Variants in EPB41L3 observed in about 807,000 individuals in gnomAD.
EPB41L3 encodes band 4.1-like protein 3.
Under a neutral mutation model 127.1 loss-of-function variants are expected in EPB41L3, and 57 were observed. The observed-to-expected ratio is 0.45, with a 90% confidence interval of 0.36 to 0.56. EPB41L3 has a LOEUF of 0.56. EPB41L3 is among the 20% of genes least tolerant of loss of function. The pLI, the probability that EPB41L3 is intolerant of heterozygous loss-of-function variation, is 0.00. For synonymous variants in EPB41L3, 572 were observed against 549.5 expected (o/e 1.04, Z -0.57); for missense variants, 1,273 against 1,372.2 (o/e 0.93, Z 1.14).
rs746251961 is a variant in EPB41L3 at position 5,415,866 on chromosome 18, G to C, written c.2019C>G (p.Ser673=). 3.7e-6 allele frequency: 6 copies of C among 1,613,584 alleles called. No homozygotes were observed. Among genetic ancestry groups the C allele is most frequent in the Non-Finnish European group, 5.1e-6 (6 of 1,179,888 alleles). ...GGTCATTGTCTAGGGAGGCGCTCAA[G>C]GAGGCCGCCTTGGGCTCCAGGTAGC... ...CLCYLEPKAA[S]LSASLDNDPS... The change falls in exon 13 of 23, where the codon TCC becomes TCG. Residue 673 remains serine (S), a synonymous_variant. Coordinates refer to ENST00000341928, the MANE Select transcript of EPB41L3 (RefSeq NM_012307.5).
intron 16 of EPB41L3, chr18:5,400,486 G>A (rs1214731075): frequency 4.4e-6 from 2 of 455,656 alleles, no homozygotes; most frequent in Non-Finnish European, 8.8e-6. Context: ...GAAATGAATT[G>A]AAAGAATAAC....
intron 1 of EPB41L3, among the ~76,000 whole-genome samples, chr18:5,515,575 C>A (rs2092717005): frequency 1.3e-5 from 2 of 152,272 alleles, no homozygotes; most frequent in Non-Finnish European, 2.9e-5. Flanking sequence ...TCTTCCCAGG[C>A]ACCATCACCA....
At chr18:5,396,060 C>G (rs543291019) in intron 19 of EPB41L3, 141 bp downstream of exon 19, 1 of 1,016,324 alleles carries the variant, frequency 9.8e-7, no homozygotes, top group African/African-American at 1.6e-5. Context: ...ACCATTATTG[C>G]ATCACTTTTA....
chr18:5,550,383 G>A (rs533854223), intron 3 of EPB41L3, among the ~76,000 whole-genome samples: 5 of 152,162 alleles, frequency 3.3e-5, no homozygotes, highest in East Asian at 1.9e-4. Flanking sequence ...ATCATTTATC[G>A]TTTTAAATTA....
chr18:5,483,098 A>G (rs2088911727), intron 2 of EPB41L3, among the ~76,000 whole-genome samples: 1 of 152,160 alleles, frequency 6.6e-6, no homozygotes, highest in South Asian at 2.1e-4. Context: ...CAGTGAAGGG[A>G]TAGGTAATAT....
intron 14 of EPB41L3, among the ~76,000 whole-genome samples, chr18:5,408,273 C>CTTTTTTTTT (rs1208956534): frequency 1.2e-4 from 6 of 50,462 alleles, no homozygotes; most frequent in African/African-American, 2.0e-4. Flanking sequence ...TTTCTTTTTT[C>CTTTTTTTTT]TTTTTTTTTT....
Position 5,582,672 on chromosome 18 carries a change from C to A in EPB41L3, c.-306+29668G>T, listed in dbSNP as rs1305601044. ...ACGCAATGAGCTATTCTAGCTCCCA[C>A]TTTGGAAAGGAAGAAACTGAGTCCC... On this transcript the variant is annotated intron_variant, in intron 3 of 21. Coordinates refer to the EPB41L3 transcript ENST00000545076. Among the ~76,000 whole-genome samples the A allele has an allele frequency of 4.6e-5, 7 of 152,312 alleles. No homozygotes were observed. In the East Asian group the frequency reaches 1.4e-3, roughly 29 times the overall value.
chr18:5,546,953 C>A, upstream of EPB41L3, among the ~76,000 whole-genome samples: 1 of 152,196 alleles, frequency 6.6e-6, no homozygotes. Flanking sequence ...TGTCACTTTT[C>A]TTCAGGGATT....
At chr18:5,500,069 G>A (rs1197907538) in intron 1 of EPB41L3, among the ~76,000 whole-genome samples, 2 of 152,000 alleles carry the variant, frequency 1.3e-5, no homozygotes, top group African/African-American at 4.8e-5. Context: ...AAAACAGACT[G>A]AGCCTACATT....
At chr18:5,408,661 T>A (rs1052140865) in intron 14 of EPB41L3, among the ~76,000 whole-genome samples, 25 of 151,630 alleles carry the variant, frequency 1.6e-4, no homozygotes, top group East Asian at 1.4e-3. Flanking sequence ...TTTTTTTTTT[T>A]AAAAGAAGTC....
At chr18:5,447,028 A>G (rs1005783173) in intron 3 of EPB41L3, among the ~76,000 whole-genome samples, 2 of 152,236 alleles carry the variant, frequency 1.3e-5, no homozygotes, top group Non-Finnish European at 2.9e-5. Context: ...TCTCTAGTTC[A>G]CAGGTAAGAA....
chr18:5,402,663 C>CCT (rs2074694877), intron 16 of EPB41L3, among the ~76,000 whole-genome samples: 1 of 152,062 alleles, frequency 6.6e-6, no homozygotes, highest in South Asian at 2.1e-4. Context: ...TGAAGAGGTA[C>CCT]TGATAAAGAA....
At chr18:5,595,167 G>A (rs984702165) in intron 3 of EPB41L3, among the ~76,000 whole-genome samples, 2 of 152,196 alleles carry the variant, frequency 1.3e-5, no homozygotes, top group South Asian at 4.1e-4. Context: ...CAGCCTAATT[G>A]TTTAAGATCC....
At chr18:5,512,049 A>C (rs2092553333) in intron 1 of EPB41L3, among the ~76,000 whole-genome samples, 1 of 152,220 alleles carries the variant, frequency 6.6e-6, no homozygotes, top group African/African-American at 2.4e-5. Context: ...ACAGGTATGG[A>C]TTTGGAAGAA....
intron 3 of EPB41L3, among the ~76,000 whole-genome samples, chr18:5,470,884 G>GCCAC (rs2086011909): frequency 6.6e-6 from 1 of 152,210 alleles, no homozygotes; most frequent in Non-Finnish European, 1.5e-5. Context: ...GGCCACTGTA[G>GCCAC]CCACCCAAGG....
rs1197566346 is a variant in EPB41L3 at position 5,481,056 on chromosome 18, G to A, written c.184-2618C>T. On this transcript the variant is annotated intron_variant, in intron 2 of 22. Coordinates refer to ENST00000341928, the MANE Select transcript of EPB41L3 (RefSeq NM_012307.5). ...AAAGAAAACCATGATGGCTACAACA[G>A]TTCCTTAGGTTTGTCTACTAAGCTG... is the stretch of plus-strand genomic sequence containing the variant. 2.0e-5 allele frequency: 3 copies of A among 152,168 alleles called. No homozygotes were observed. In the East Asian group the frequency reaches 5.8e-4, roughly 29 times the overall value. 9.4% of individuals were successfully genotyped at this position (152,168 alleles called of 1,614,324 possible). A position where few individuals can be genotyped will look rare whatever the true frequency, so the allele number is the denominator to read the frequency against.
At chr18:5,442,786 T>A (rs2080970791) in intron 5 of EPB41L3, among the ~76,000 whole-genome samples, 1 of 152,174 alleles carries the variant, frequency 6.6e-6, no homozygotes, top group African/African-American at 2.4e-5. Flanking sequence ...AAAAAAATTT[T>A]AAAAACTCCT....
chr18:5,594,563 T>C (rs74575351), intron 3 of EPB41L3, among the ~76,000 whole-genome samples: 372 of 152,352 alleles, frequency 2.4e-3, no homozygotes, highest in African/African-American at 8.5e-3. Flanking sequence ...AACTTTTAAT[T>C]ATGTCACCCT....
rs566717830 is a variant in EPB41L3, at chr18:5,528,212, A to G, written c.-12+15701T>C. ...AGACAGGATCTTGCTCTGTCACCCA[A>G]GCGTGGAGTGCAGTGGTGCAATCAT... On this transcript the variant is annotated intron_variant, in intron 1 of 22. Coordinates refer to ENST00000341928, the MANE Select transcript of EPB41L3 (RefSeq NM_012307.5). 2.0e-5 allele frequency among the ~76,000 whole-genome samples: 3 copies of G among 152,212 alleles called. No homozygotes were observed. In the South Asian group the frequency reaches 6.2e-4, roughly 32 times the overall value.
Sources: allele counts gnomAD v4.1 joint callset (sites outside exome capture counted in the v4.1 genomes callset), GRCh38; gene constraint gnomAD v4.1.1; transcripts MANE v1.5; gene names NCBI Gene and HGNC (gene_info 2026-07-23, HGNC 2026-07-21).